MCF2L: variants seen among roughly 807,000 people sequenced by gnomAD.
The protein encoded by MCF2L is guanine nucleotide exchange factor DBS.
A neutral mutation model predicts 153.4 loss-of-function variants in MCF2L; 97 were observed. The ratio of observed to expected loss-of-function variants is 0.63; its 90% CI spans 0.54 to 0.75. The LOEUF is 0.75. MCF2L is among the 30% of genes least tolerant of loss of function. The pLI is 0.00. For missense variants in MCF2L, 1,347 were observed against 1,495.2 expected (o/e 0.90, Z 1.64); for synonymous variants, 659 against 632.2 (o/e 1.04, Z -0.64).
intron 2 of MCF2L, among the ~76,000 whole-genome samples, chr13:112,913,499 T>A (rs1292368628): frequency 6.6e-6 from 1 of 152,202 alleles, no homozygotes; most frequent in Non-Finnish European, 1.5e-5. Context: ...ACAAATGTGA[T>A]CTTTGATCAT....
chr13:112,917,235 C>A, intron 2 of MCF2L: 1 of 467,058 alleles, frequency 2.1e-6, no homozygotes, highest in Non-Finnish European at 4.4e-6. Flanking sequence ...AGAGCCTCCA[C>A]CCGCATCCTA....
At position 112,944,629 on chromosome 13, in the gene MCF2L, T is replaced by C. The variant is rs545765045; in HGVS notation, c.169+42258T>C. ...CTCTGTCGCCCAGGCTGGAGTGCAGTGGCGCAACCTCGGCTCACGGCTAAT... is the reference window on the plus strand; with the variant it reads ...CTCTGTCGCCCAGGCTGGAGTGCAGCGGCGCAACCTCGGCTCACGGCTAAT... On this transcript the variant is annotated intron_variant, in intron 2 of 29. Transcript: ENST00000375608. Among the ~76,000 whole-genome samples, 18 of 148,810 alleles carry C rather than the reference T, an allele frequency of 1.2e-4. No homozygotes were observed. In the East Asian group the frequency reaches 3.4e-3, roughly 28 times the overall value.
chr13:112,999,459 C>T (rs915983423), intron 1 of MCF2L, among the ~76,000 whole-genome samples: 1 of 152,174 alleles, frequency 6.6e-6, no homozygotes, highest in Non-Finnish European at 1.5e-5. Flanking sequence ...AAAACTGAGG[C>T]CCTTCTGTGA....
At chr13:112,909,371 G>A in intron 2 of MCF2L, 1 of 770,480 alleles carries the variant, frequency 1.3e-6, no homozygotes, top group African/African-American at 1.7e-5. Context: ...CCCAGCATGG[G>A]TTGAAGCCAG....
At chr13:112,950,925 T>C (rs920263177) in intron 2 of MCF2L, among the ~76,000 whole-genome samples, 6 of 152,210 alleles carry the variant, frequency 3.9e-5, no homozygotes, top group Non-Finnish European at 8.8e-5. Context: ...TGAAAGCACC[T>C]GCAAAGTGGA....
intron 1 of MCF2L, among the ~76,000 whole-genome samples, chr13:113,011,462 CA>C (rs2084095556): frequency 7.2e-6 from 1 of 139,176 alleles, no homozygotes; most frequent in African/African-American, 2.7e-5. Flanking sequence ...GTGGACACTG[CA>C]GTGCAGATGG....
At position 112,993,535 on chromosome 13, in the gene MCF2L, C is replaced by G. The variant is rs1416823545; in HGVS notation, c.80-21228C>G. 6.6e-6 allele frequency among the ~76,000 whole-genome samples: 1 copy of G among 151,878 alleles called. No homozygotes were observed. The highest frequency in any genetic ancestry group is 2.4e-5 in the African/African-American group (1 of 41,328). On this transcript the variant is annotated intron_variant, in intron 1 of 29. Transcript: ENST00000535094. This position sits in a 1 kb window ranked among gnomAD's most constrained non-coding sequence, Gnocchi z 4.6. ...CAGGCGTGGGATGAGGCTCCAGGAT[C>G]GCAGCCACAGAAGTGGCAGTGGGAG...
chr13:112,994,861 A>G (rs919962099), intron 1 of MCF2L, among the ~76,000 whole-genome samples: 2 of 152,224 alleles, frequency 1.3e-5, no homozygotes, highest in African/African-American at 2.4e-5. Flanking sequence ...GCTCAAACCC[A>G]GGCCTGCGCT....
chr13:112,898,355 G>A (rs563130146), intron 1 of MCF2L, among the ~76,000 whole-genome samples: 2 of 152,328 alleles, frequency 1.3e-5, no homozygotes, highest in Non-Finnish European at 2.9e-5. Flanking sequence ...GCGTGAGGTG[G>A]GCGCGTGTTT....
In MCF2L at chr13:113,046,505, G is replaced by A. The variant is rs776762005; in HGVS notation, c.369+1144G>A. The A allele has an allele frequency of 8.3e-5, 44 of 528,424 alleles. No individual in the cohort carries two copies. The highest frequency in any genetic ancestry group is 3.3e-4 in the East Asian group (6 of 18,322). The allele number at this position is 528,424 out of a possible 1,614,324, so 32.7% of individuals were successfully genotyped here. ...CTACCTTTGGGTTCCCCAGCCTCTC[G>A]GTGGCTGCTGGCTGGTGCGCCAAGG... On this transcript the variant is annotated intron_variant, in intron 4 of 29. Transcript: ENST00000535094. This position sits in a 1 kb window ranked among gnomAD's most constrained non-coding sequence, Gnocchi z 4.4.
chr13:112,920,420 T>C, intron 2 of MCF2L, among the ~76,000 whole-genome samples: 1 of 152,130 alleles, frequency 6.6e-6, no homozygotes, highest in Non-Finnish European at 1.5e-5. Context: ...TATCTGATAT[T>C]CATGGGGCAC....
intron 12 of MCF2L, 77 bp from the exon 13 acceptor site, chr13:113,076,974 CA>C (rs2033558027): frequency 2.0e-6 from 3 of 1,478,464 alleles, no homozygotes; most frequent in Admixed American, 3.8e-5. Context: ...CGTGCCCCGG[CA>C]CGTTCTGCGC....
chr13:112,955,181 A>G (rs890104217), intron 2 of MCF2L, among the ~76,000 whole-genome samples: 9 of 152,098 alleles, frequency 5.9e-5, no homozygotes, highest in Admixed American at 1.3e-4. Flanking sequence ...ACCCCGTCCC[A>G]TTGCTCAGTG....
chr13:113,029,238 G>A (rs992328907), intron 3 of MCF2L, among the ~76,000 whole-genome samples: 5 of 152,186 alleles, frequency 3.3e-5, no homozygotes, highest in African/African-American at 4.8e-5. Flanking sequence ...ATCCTAGGGC[G>A]CAGCAGCCGC....
Position 113,024,692 on chromosome 13 carries a change from C to T in MCF2L, c.212C>T (p.Pro71Leu), listed in dbSNP as rs371845283. 6.8e-6 allele frequency: 11 copies of T among 1,614,066 alleles called. No individual in the cohort carries two copies. The highest frequency in any genetic ancestry group is 2.2e-5 in the East Asian group (1 of 44,892). Residue 71 changes from proline to leucine, a missense_variant, in exon 3 of 30, where the codon CCG becomes CTG. Physicochemically the swap from Pro to Leu is moderately conservative, Grantham distance 98 (BLOSUM62 -3). Coordinates refer to ENST00000535094, the MANE Select transcript of MCF2L (RefSeq NM_001112732.3). Reference protein sequence around the residue: ...GSPVITFPDYPAFSEIPDKEF... With the variant: ...GSPVITFPDYLAFSEIPDKEF... ...CCGGTTATCACCTTCCCTGACTACC[C>T]GGCCTTCAGCGAGATTCCGGACAAG...
At chr13:112,924,602 A>G (rs758877290) in intron 2 of MCF2L, among the ~76,000 whole-genome samples, 4 of 152,238 alleles carry the variant, frequency 2.6e-5, no homozygotes, top group Non-Finnish European at 5.9e-5. Context: ...ACTTGAACAC[A>G]TGGAAAAGGT....
chr13:112,995,917 G>T lies in MCF2L; in HGVS notation c.80-18846G>T, dbSNP rs369090546. 4.9e-4 allele frequency among the ~76,000 whole-genome samples: 74 copies of T among 152,332 alleles called. 1 individual carries two copies. In the East Asian group the frequency reaches 0.012, roughly 25 times the overall value. ...CAAGCAGCACCTGGCGGCCACCGGGGAGTGATGCCGGGTGCAGCCTTTACA... is the reference window on the plus strand; with the variant it reads ...CAAGCAGCACCTGGCGGCCACCGGGTAGTGATGCCGGGTGCAGCCTTTACA... On this transcript the variant is annotated intron_variant, in intron 1 of 29. Transcript: ENST00000535094.
At chr13:112,952,055 G>A (rs2081699838) in intron 2 of MCF2L, among the ~76,000 whole-genome samples, 1 of 152,200 alleles carries the variant, frequency 6.6e-6, no homozygotes, top group Non-Finnish European at 1.5e-5. Context: ...AGATTTGCAG[G>A]TCCAGATCTA....
chr13:113,050,139 G>A (rs2087116765), intron 4 of MCF2L, among the ~76,000 whole-genome samples: 1 of 152,036 alleles, frequency 6.6e-6, no homozygotes, highest in African/African-American at 2.4e-5. Flanking sequence ...CTCTTCCACT[G>A]TACTGCATGT....
Sources: gnomAD v4.1 joint callset for allele counts (sites outside exome capture counted in the v4.1 genomes callset) on GRCh38, gnomAD v4.1.1 for gene constraint, Gnocchi (gnomAD v3.1) non-coding constraint, MANE v1.5 for transcripts, NCBI Gene and HGNC (gene_info 2026-07-23, HGNC 2026-07-21) for gene names.